Variants in PARD3B observed in about 807,000 individuals in gnomAD.
The protein encoded by PARD3B is partitioning defective 3 homolog B.
Under a neutral mutation model 130.2 loss-of-function variants are expected in PARD3B, and 103 were observed. The observed-to-expected ratio is 0.79, with a 90% CI of 0.67 to 0.93. PARD3B has a LOEUF of 0.93. Ranked by LOEUF, PARD3B falls within the 40% of genes least tolerant of loss-of-function variation. The probability of loss-of-function intolerance (pLI) is 0.00; values close to 1 mark genes in which losing one functional copy is unlikely to be tolerated. For missense variants in PARD3B, 1,609 were observed against 1,499.2 expected (o/e 1.07, Z -1.21); for synonymous variants, 583 against 553.2 (o/e 1.05, Z -0.76).
chr2:204,969,215 T>A (rs236839), intron 3 of PARD3B, among the ~76,000 whole-genome samples: 62,965 of 151,994 alleles, frequency 0.41, 13,959 homozygotes, highest in East Asian at 0.67. Context: ...TTCCAAGTCT[T>A]CTCTGTGAAA....
rs1045893853 is a variant in PARD3B, at chr2:204,752,623, A to G, written c.222+66341A>G. On this transcript the variant is annotated intron_variant, in intron 2 of 22. Transcript: ENST00000406610. Reference sequence around the variant, plus strand: ...GGTGTAACTTGTTCAGTTCAATTCTAGGAACAACTACTACTTTATTTTCTT... The same window carrying G: ...GGTGTAACTTGTTCAGTTCAATTCTGGGAACAACTACTACTTTATTTTCTT... 2.6e-5 allele frequency among the ~76,000 whole-genome samples: 4 copies of G among 152,290 alleles called. 1 individual carries two copies. The highest frequency in any genetic ancestry group is 9.6e-5 in the African/African-American group (4 of 41,574).
chr2:204,961,578 G>A (rs767446762), intron 2 of PARD3B, among the ~76,000 whole-genome samples: 1 of 152,092 alleles, frequency 6.6e-6, no homozygotes, highest in Non-Finnish European at 1.5e-5. Flanking sequence ...GAATTTATCA[G>A]CCGATAGAGT....
intron 18 of PARD3B, among the ~76,000 whole-genome samples, chr2:205,313,106 A>G (rs1305661393): frequency 2.0e-5 from 3 of 152,238 alleles, no homozygotes; most frequent in African/African-American, 7.2e-5. Context: ...AGGGCAAGTG[A>G]TATAAAATGA....
chr2:205,577,890 G>A (rs1001579809), intron 22 of PARD3B, among the ~76,000 whole-genome samples: 1 of 152,134 alleles, frequency 6.6e-6, no homozygotes, highest in Non-Finnish European at 1.5e-5. Flanking sequence ...AAAGAAAGTT[G>A]TTTCCGTATT....
At chr2:205,602,949 T>C (rs1411446673) in intron 22 of PARD3B, among the ~76,000 whole-genome samples, 1 of 152,174 alleles carries the variant, frequency 6.6e-6, no homozygotes, top group Non-Finnish European at 1.5e-5. Flanking sequence ...TTAATTGTGA[T>C]GTTAGGGTGT....
chr2:205,115,414 A>C (rs1331336592), intron 6 of PARD3B, among the ~76,000 whole-genome samples: 1 of 152,176 alleles, frequency 6.6e-6, no homozygotes, highest in Non-Finnish European at 1.5e-5. Context: ...AACATTAAAA[A>C]TGTGAAAGTT....
chr2:204,883,368 A>AT (rs2046124211), intron 2 of PARD3B, among the ~76,000 whole-genome samples: 1 of 140,452 alleles, frequency 7.1e-6, no homozygotes, highest in Non-Finnish European at 1.5e-5. Flanking sequence ...CATTAACTAT[A>AT]TTTTCTTTTT....
chr2:204,622,207 C>T (rs73059030), intron 1 of PARD3B, among the ~76,000 whole-genome samples: 5,497 of 152,156 alleles, frequency 0.036, 323 homozygotes, highest in African/African-American at 0.12. Flanking sequence ...GGATGATGTG[C>T]GTGATACTCA....
At chr2:205,330,035 A>AAATAAATAAAT (rs1400429684) in intron 18 of PARD3B, among the ~76,000 whole-genome samples, 16 of 7,866 alleles carry the variant, frequency 2.0e-3, no homozygotes, top group Admixed American at 3.6e-3. Context: ...ATAAATAAAT[A>AAATAAATAAAT]AAATAAAATA....
At chr2:204,707,220 A>G (rs1007646680) in intron 2 of PARD3B, among the ~76,000 whole-genome samples, 14 of 152,192 alleles carry the variant, frequency 9.2e-5, no homozygotes, top group African/African-American at 2.9e-4. Context: ...GGAAATCCAG[A>G]CCACATGAAG....
intron 22 of PARD3B, among the ~76,000 whole-genome samples, chr2:205,607,831 T>TATAC (rs1553560829): frequency 6.9e-5 from 8 of 116,190 alleles, no homozygotes; most frequent in Non-Finnish European, 1.2e-4. Flanking sequence ...CCAACACCCA[T>TATAC]ACACACACAC....
At chr2:205,034,193 G>T (rs565765186) in intron 3 of PARD3B, among the ~76,000 whole-genome samples, 3 of 152,018 alleles carry the variant, frequency 2.0e-5, no homozygotes, top group Non-Finnish European at 4.4e-5. Context: ...CTGTCTTTGC[G>T]CCTGTAGCTT....
At chr2:204,670,546 A>G (rs2036250807) in intron 1 of PARD3B, among the ~76,000 whole-genome samples, 1 of 151,940 alleles carries the variant, frequency 6.6e-6, no homozygotes, top group Non-Finnish European at 1.5e-5. Context: ...TTTTATGTCT[A>G]AATATGAATT....
Position 205,002,420 on chromosome 2 carries a change from C to T in PARD3B, c.394+37097C>T, listed in dbSNP as rs184578238. ...TATTCCCACCCCTACCCAGCTTCCT[C>T]TGCGACTGACATCTTTACCTGGAGG... On this transcript the variant is annotated intron_variant, in intron 3 of 22. Coordinates refer to ENST00000406610, the MANE Select transcript of PARD3B (RefSeq NM_001302769.2). Among the ~76,000 whole-genome samples the T allele has an allele frequency of 1.6e-4, 24 of 152,312 alleles. No individual in the cohort carries two copies. The East Asian group carries it at 4.3e-3, about 27-fold the overall frequency.
At chr2:205,614,539 C>CA (rs944399493) in intron 22 of PARD3B, among the ~76,000 whole-genome samples, 29 of 150,054 alleles carry the variant, frequency 1.9e-4, no homozygotes, top group Non-Finnish European at 2.7e-4. Context: ...CCCATCTCTA[C>CA]AAAAAAAAAT....
intron 2 of PARD3B, among the ~76,000 whole-genome samples, chr2:204,775,309 A>G (rs531515173): frequency 4.6e-5 from 7 of 152,280 alleles, no homozygotes; most frequent in South Asian, 2.1e-4. Context: ...CCTCTTTTCA[A>G]TGAAGTCTGT....
intron 18 of PARD3B, among the ~76,000 whole-genome samples, chr2:205,312,979 A>G: frequency 6.6e-6 from 1 of 152,184 alleles, no homozygotes; most frequent in Non-Finnish European, 1.5e-5. Context: ...GTTTATGTGT[A>G]TACATCCTTG....
At chr2:204,883,945 G>A (rs2046176148) in intron 2 of PARD3B, among the ~76,000 whole-genome samples, 2 of 150,892 alleles carry the variant, frequency 1.3e-5, no homozygotes, top group South Asian at 2.1e-4. Flanking sequence ...TACTATCTTG[G>A]TCAGGCTGAT....
chr2:205,279,861 A>G (rs544164356), intron 16 of PARD3B, among the ~76,000 whole-genome samples: 2 of 152,356 alleles, frequency 1.3e-5, no homozygotes, highest in South Asian at 2.1e-4. Context: ...GTTTCTAACC[A>G]TAAAGCTGGG....
Sources: gnomAD v4.1 joint callset for allele counts (sites outside exome capture counted in the v4.1 genomes callset) on GRCh38, gnomAD v4.1.1 for gene constraint, MANE v1.5 for transcripts, NCBI Gene and HGNC (gene_info 2026-07-23, HGNC 2026-07-21) for gene names.